The following SULT6B1 variants were observed in gnomAD, a reference collection of about 807,000 sequenced individuals.
SULT6B1 encodes the protein sulfotransferase 6B1.
A neutral mutation model predicts 37.2 loss-of-function variants in SULT6B1; 44 were observed. The ratio of observed to expected loss-of-function variants is 1.18; its 90% CI spans 0.93 to 1.52. The LOEUF (loss-of-function observed/expected upper bound fraction) is 1.52. Among genes scored for constraint, SULT6B1 ranks in the 40% most tolerant of loss-of-function variants. The pLI, the probability that SULT6B1 is intolerant of heterozygous loss-of-function variation, is 0.00. For synonymous variants in SULT6B1, 140 were observed against 126.0 expected (o/e 1.11, Z -0.74); for missense variants, 450 against 361.0 (o/e 1.25, Z -2.00).
chr2:37,189,939 A>G (rs1217487822), upstream of SULT6B1: 2 of 152,158 alleles, frequency 1.3e-5, no homozygotes, highest in Non-Finnish European at 2.9e-5. Flanking sequence ...GGAAAGCAGC[A>G]CTCCAGGGGG....
rs1676212575 is a variant in SULT6B1, at chr2:37,167,823, G to C, written c.*112C>G. ...TTATTATTTTGTATTGTATTATTTAGATTTCAATATTGTTTAATTATTATT... is the reference window on the plus strand; with the variant it reads ...TTATTATTTTGTATTGTATTATTTACATTTCAATATTGTTTAATTATTATT... On this transcript the variant is annotated 3_prime_UTR_variant, in exon 7 of 7. Coordinates refer to ENST00000535679, the MANE Select transcript of SULT6B1 (RefSeq NM_001367551.1). 1 of 915,470 alleles carries C rather than the reference G, an allele frequency of 1.1e-6. No individual in the cohort carries two copies. Among genetic ancestry groups the C allele is most frequent in the Non-Finnish European group, 1.5e-6 (1 of 660,142 alleles). The allele number at this position is 915,470 out of a possible 1,614,324, so 56.7% of individuals were successfully genotyped here.
Position 37,171,447 on chromosome 2 carries a change from G to A in SULT6B1, c.768C>T (p.Phe256=). 4 of 1,613,626 alleles carry A rather than the reference G, an allele frequency of 2.5e-6. No homozygotes were observed. In the South Asian group the frequency reaches 3.3e-5, roughly 13 times the overall value. Residue 256 remains phenylalanine, a synonymous_variant, in exon 6 of 7, where the codon TTC becomes TTT. Transcript: ENST00000535679. ...SQDTHGAVGP[F]LFRKGEVGDW... ...ATGCGACTTTACCTTTGCGGAAAAG[G>A]AATGGGCCGACAGCACCGTGTGTGT...
At position 37,188,463 on chromosome 2, in the gene SULT6B1, G is replaced by A. The variant is rs1444796999; in HGVS notation, c.178C>T (p.Leu60=). The A allele has an allele frequency of 6.2e-7, 1 of 1,613,876 alleles. No individual in the cohort carries two copies. The highest frequency in any genetic ancestry group is 1.1e-5 in the South Asian group (1 of 91,022). Residue 60 remains leucine (L), a synonymous_variant, in exon 1 of 7, where the codon CTA becomes TTA. Coordinates refer to ENST00000535679, the MANE Select transcript of SULT6B1 (RefSeq NM_001367551.1). ...TTACCGCACTTTGGATAAGATGCTA[G>A]CACGATGTCATCATGTCTGGCTTCG... The part of the protein sequence containing the change: ...TFEARHDDIV[L]ASYPKCGSNW...
intron 6 of SULT6B1, 100 bp from the exon 7 acceptor site, chr2:37,168,165 G>T (rs1676219924): frequency 5.0e-6 from 6 of 1,193,558 alleles, no homozygotes; most frequent in Non-Finnish European, 6.8e-6. Context: ...ATGTTAAAAT[G>T]GACACATGGA....
chr2:37,183,550 G>A (rs11569750), intron 2 of SULT6B1, 36 bp from the exon 3 acceptor site: 45,546 of 1,444,242 alleles, frequency 0.032, 853 homozygotes, highest in Middle Eastern at 0.039. Flanking sequence ...AAATGTGCAC[G>A]TGTGTGCATG....
chr2:37,171,226 C>A (rs1342490826), intron 6 of SULT6B1, among the ~76,000 whole-genome samples: 2 of 151,794 alleles, frequency 1.3e-5, no homozygotes, highest in Non-Finnish European at 2.9e-5. Context: ...GGCAACAGAG[C>A]GAGACTCCGT....
intron 6 of SULT6B1, among the ~76,000 whole-genome samples, chr2:37,169,025 G>A (rs56049206): frequency 0.22 from 33,946 of 152,060 alleles, 3,888 homozygotes; most frequent in South Asian, 0.34. Flanking sequence ...AAATATGCCA[G>A]AAAGTTAAAC....
upstream of SULT6B1, among the ~76,000 whole-genome samples, chr2:37,188,866 T>C (rs1676728756): frequency 6.6e-6 from 1 of 152,232 alleles, no homozygotes; most frequent in Non-Finnish European, 1.5e-5. Flanking sequence ...AAGGGCTGAT[T>C]ACATGACCAT....
chr2:37,179,042 C>T (rs1676491152), intron 4 of SULT6B1, among the ~76,000 whole-genome samples: 1 of 152,124 alleles, frequency 6.6e-6, no homozygotes, highest in Admixed American at 6.5e-5. Flanking sequence ...CACTGCAATC[C>T]CTGCCTTCTG....
chr2:37,192,828 TG>T (rs1219789391), upstream of SULT6B1, among the ~76,000 whole-genome samples: 1 of 152,190 alleles, frequency 6.6e-6, no homozygotes, highest in South Asian at 2.1e-4. Flanking sequence ...GGAGGCTCTT[TG>T]GGATTGGTAA....
chr2:37,193,220 C>T (rs1280519358), upstream of SULT6B1, among the ~76,000 whole-genome samples: 4 of 150,856 alleles, frequency 2.7e-5, no homozygotes, highest in East Asian at 5.9e-4. Flanking sequence ...CTTTGGGAGG[C>T]TGAGGCAGGC....
chr2:37,171,399 A>T, intron 6 of SULT6B1, 35 bp downstream of exon 6: 1 of 1,603,498 alleles, frequency 6.2e-7, no homozygotes, highest in Non-Finnish European at 8.5e-7. Context: ...TCAGTCCCTA[A>T]CTGATAACAA....
At chr2:37,172,811 A>G (rs1676334273) in intron 5 of SULT6B1, among the ~76,000 whole-genome samples, 1 of 141,102 alleles carries the variant, frequency 7.1e-6, no homozygotes, top group African/African-American at 2.7e-5. Flanking sequence ...CCTGGCCTAA[A>G]CCATACATTT....
At chr2:37,193,436 C>T (rs1487034454), upstream of SULT6B1, among the ~76,000 whole-genome samples, 1 of 151,504 alleles carries the variant, frequency 6.6e-6, no homozygotes, top group East Asian at 1.9e-4. Context: ...CACTCCAGCC[C>T]GGGTGACAGA....
Position 37,187,447 on chromosome 2 carries a change from T to C in SULT6B1, c.220A>G (p.Ile74Val). ...PKCGSNWILH[I>V]VSELIYAVSK... ...ACAGCATATATTAATTCACTGACAA[T>C]GTGGAGAATCCAGTTTGAACCTATC... is the stretch of plus-strand genomic sequence containing the variant. Residue 74 changes from isoleucine to valine, a missense_variant, in exon 2 of 7, where the codon ATT becomes GTT. By Grantham distance (29) the Ile-to-Val change is conservative. Coordinates refer to ENST00000535679, the MANE Select transcript of SULT6B1 (RefSeq NM_001367551.1). The C allele has an allele frequency of 6.2e-7, 1 of 1,600,720 alleles. No homozygotes were observed. Among genetic ancestry groups the C allele is most frequent in the Non-Finnish European group, 8.5e-7 (1 of 1,170,444 alleles).
At chr2:37,187,610 CTT>C (rs1187442131) in intron 1 of SULT6B1, 143 bp from the exon 2 acceptor site, 12 of 482,668 alleles carry the variant, frequency 2.5e-5, no homozygotes, top group Non-Finnish European at 4.4e-5. Context: ...TTTGAAATAA[CTT>C]GGGCTATGGA....
chr2:37,187,441 T>C lies in SULT6B1; in HGVS notation c.226A>G (p.Ser76Gly). 6.2e-7 allele frequency: 1 copy of C among 1,604,000 alleles called. No individual in the cohort carries two copies. Reference sequence around the variant, plus strand: ...TTAGAAACAGCATATATTAATTCACTGACAATGTGGAGAATCCAGTTTGAA... The same window carrying C: ...TTAGAAACAGCATATATTAATTCACCGACAATGTGGAGAATCCAGTTTGAA... The part of the protein sequence containing the change: ...CGSNWILHIV[S>G]ELIYAVSKKK... Residue 76 changes from serine (S) to glycine (G), a missense_variant, in exon 2 of 7, where the codon AGT becomes GGT. By Grantham distance (56) the Ser-to-Gly change is moderately conservative. Coordinates refer to ENST00000535679, the MANE Select transcript of SULT6B1 (RefSeq NM_001367551.1).
intron 3 of SULT6B1, among the ~76,000 whole-genome samples, chr2:37,182,791 T>C (rs1301292646): frequency 6.6e-6 from 1 of 152,188 alleles, no homozygotes; most frequent in Non-Finnish European, 1.5e-5. Flanking sequence ...TACTGATTAA[T>C]AAAACAACAT....
At chr2:37,191,524 C>G (rs2148302957), upstream of SULT6B1, among the ~76,000 whole-genome samples, 1 of 152,314 alleles carries the variant, frequency 6.6e-6, no homozygotes, top group African/African-American at 2.4e-5. Context: ...CAGAGGATCA[C>G]AGTGTTACAG....
Sources: allele counts gnomAD v4.1 joint callset (sites outside exome capture counted in the v4.1 genomes callset), GRCh38; gene constraint gnomAD v4.1.1; transcripts MANE v1.5; gene names NCBI Gene and HGNC (gene_info 2026-07-23, HGNC 2026-07-21).